KIAA2012: variants seen among roughly 807,000 people sequenced by gnomAD.
The protein encoded by KIAA2012 is KIAA2012, also known as uncharacterized protein KIAA2012.
KIAA2012 carries 125 observed loss-of-function variants against 150.6 expected under a neutral mutation model. That is an observed-to-expected ratio of 0.83 (90% CI 0.72 to 0.96). The LOEUF (loss-of-function observed/expected upper bound fraction) is 0.96, where lower values mean the gene tolerates loss of function less well. Ranked by LOEUF, KIAA2012 falls within the 40% of genes least tolerant of loss-of-function variation. The probability of loss-of-function intolerance (pLI) is 0.00; values close to 1 mark genes in which losing one functional copy is unlikely to be tolerated. For missense variants in KIAA2012, 1,219 were observed against 1,354.9 expected, an observed-to-expected ratio of 0.90 and a Z score of 1.57; for synonymous variants, 462 against 504.7, an observed-to-expected ratio of 0.92 and a Z score of 1.13.
intron 9 of KIAA2012, among the ~76,000 whole-genome samples, chr2:202,106,618 C>T (rs549058112): frequency 6.6e-4 from 100 of 152,040 alleles, no homozygotes; most frequent in African/African-American, 2.3e-3. Flanking sequence ...ACCCAGGAGG[C>T]GGAGGTTGCA....
chr2:202,165,081 C>G (rs1691729490), intron 14 of KIAA2012, among the ~76,000 whole-genome samples: 1 of 152,070 alleles, frequency 6.6e-6, no homozygotes, highest in Non-Finnish European at 1.5e-5. Flanking sequence ...TATTATTATG[C>G]CTAGCCCTGC....
intron 15 of KIAA2012, among the ~76,000 whole-genome samples, chr2:202,180,422 CTG>C (rs1436859371): frequency 1.3e-5 from 2 of 152,176 alleles, no homozygotes; most frequent in African/African-American, 2.4e-5. Flanking sequence ...CTTAAATCGA[CTG>C]TTTTTAAAAT....
chr2:202,179,657 C>T (rs891092451), intron 15 of KIAA2012: 1 of 658,576 alleles, frequency 1.5e-6, no homozygotes, highest in Admixed American at 1.8e-5. Flanking sequence ...CAAGAATATA[C>T]TCAGTCAGGT....
chr2:202,119,291 A>C (rs574084830), intron 11 of KIAA2012, among the ~76,000 whole-genome samples: 1 of 152,314 alleles, frequency 6.6e-6, no homozygotes, highest in South Asian at 2.1e-4. Context: ...AAAAAAGAAT[A>C]ATAGCTTGCT....
chr2:202,198,820 A>T (rs1692461932), intron 22 of KIAA2012, among the ~76,000 whole-genome samples: 1 of 152,170 alleles, frequency 6.6e-6, no homozygotes, highest in African/African-American at 2.4e-5. Flanking sequence ...TAAGATGATA[A>T]ATACTCTTTA....
chr2:202,204,757 AAC>A (rs10553531), intron 23 of KIAA2012, among the ~76,000 whole-genome samples: 116,636 of 151,958 alleles, frequency 0.77, 44,963 homozygotes, highest in East Asian at 0.88. Context: ...ACAGAAATAA[AAC>A]AGTCAAACAC....
At chr2:202,149,889 T>C (rs1026157162) in intron 13 of KIAA2012, among the ~76,000 whole-genome samples, 33 of 152,228 alleles carry the variant, frequency 2.2e-4, no homozygotes, top group African/African-American at 7.7e-4. Context: ...GAAGGATTTC[T>C]CCCTGGGTCT....
chr2:202,184,241 G>A lies in KIAA2012; in HGVS notation c.2120-512G>A, dbSNP rs145657851. Among the ~76,000 whole-genome samples, 554 of 152,000 alleles carry A rather than the reference G, an allele frequency of 3.6e-3. 3 individuals carry two copies. The highest frequency in any genetic ancestry group is 0.013 in the African/African-American group (523 of 41,442). On this transcript the variant is annotated intron_variant, in intron 15 of 23. Transcript: ENST00000498697. ...TCTACTAAAAATACAAAAATTAGTC[G>A]GGTGTGGTGGCACACACCTGCAGTT... is the stretch of plus-strand genomic sequence containing the variant.
At chr2:202,175,147 T>C (rs1691965091) in intron 15 of KIAA2012, among the ~76,000 whole-genome samples, 1 of 152,212 alleles carries the variant, frequency 6.6e-6, no homozygotes, top group South Asian at 2.1e-4. Flanking sequence ...GGGTCACTTG[T>C]CTTGTTGAGT....
At chr2:202,186,364 T>C (rs898274359) in intron 16 of KIAA2012, among the ~76,000 whole-genome samples, 27 of 152,004 alleles carry the variant, frequency 1.8e-4, no homozygotes, top group African/African-American at 5.8e-4. Context: ...ATACAAAAAT[T>C]AGCCGGACGT....
At chr2:202,159,631 G>A (rs1691607736) in intron 14 of KIAA2012, among the ~76,000 whole-genome samples, 1 of 152,118 alleles carries the variant, frequency 6.6e-6, no homozygotes, top group Non-Finnish European at 1.5e-5. Flanking sequence ...CACCACCTCA[G>A]GTAGTTCGAG....
intron 15 of KIAA2012, among the ~76,000 whole-genome samples, chr2:202,166,623 C>T (rs749813984): frequency 2.0e-5 from 3 of 151,468 alleles, no homozygotes; most frequent in Non-Finnish European, 4.4e-5. Context: ...TGCCACTGCA[C>T]TCCAGCCTGG....
rs1035035936 is a variant in KIAA2012 at position 202,196,925 on chromosome 2, G to T, written c.3313G>T (p.Ala1105Ser). 15 of 1,550,578 alleles carry T rather than the reference G, an allele frequency of 9.7e-6. No individual in the cohort carries two copies. Among genetic ancestry groups the T allele is most frequent in the African/African-American group, 1.4e-5 (1 of 73,036 alleles). ...QRRKQEAEEK[A>S]RLEAEERRQK... ...GCGGAAACAGGAAGCAGAAGAGAAG[G>T]CTCGGCTGGAGGCAGAGGAGAGGAG... is the stretch of plus-strand genomic sequence containing the variant. The change falls in exon 22 of 24, where the codon GCT becomes TCT. Residue 1105 changes from alanine to serine, a missense_variant. Ala to Ser is a moderately conservative substitution (Grantham distance 99). Coordinates refer to ENST00000498697, the MANE Select transcript of KIAA2012 (RefSeq NM_001277372.4).
chr2:202,198,478 AT>A (rs1692452719), intron 22 of KIAA2012, among the ~76,000 whole-genome samples: 1 of 152,266 alleles, frequency 6.6e-6, no homozygotes, highest in South Asian at 2.1e-4. Flanking sequence ...CAGATCTAAC[AT>A]GAGGGCCTTG....
chr2:202,195,360 A>C (rs935224747), intron 21 of KIAA2012, among the ~76,000 whole-genome samples: 3 of 151,834 alleles, frequency 2.0e-5, no homozygotes, highest in African/African-American at 7.3e-5. Context: ...TCTACTAAAA[A>C]TACAAAAATT....
intron 13 of KIAA2012, among the ~76,000 whole-genome samples, chr2:202,145,678 C>CTTTTTTTTTTTTTTTTTTTTTT (rs36059685): frequency 6.6e-5 from 5 of 75,312 alleles, no homozygotes; most frequent in Non-Finnish European, 9.5e-5. Context: ...TTGAGAGGGT[C>CTTTTTTTTTTTTTTTTTTTTTT]TTTTTTTTTT....
intron 14 of KIAA2012, among the ~76,000 whole-genome samples, chr2:202,161,122 G>A (rs1691645962): frequency 6.6e-6 from 1 of 152,164 alleles, no homozygotes; most frequent in Non-Finnish European, 1.5e-5. Context: ...CTGAGGCTCA[G>A]GGGTTAAGTA....
chr2:202,190,259 G>A lies in KIAA2012; in HGVS notation c.2577G>A (p.Leu859=), dbSNP rs1333281410. 1.3e-6 allele frequency: 2 copies of A among 1,550,034 alleles called. No individual in the cohort carries two copies. The highest frequency in any genetic ancestry group is 2.0e-5 in the Admixed American group (1 of 50,864). The change falls in exon 19 of 24, where the codon CTG becomes CTA. Residue 859 remains leucine, a synonymous_variant. Coordinates refer to ENST00000498697, the MANE Select transcript of KIAA2012 (RefSeq NM_001277372.4). ...QRKRTQKERN[L]EIAAELSGPD... ...AAAGGACACAGAAGGAAAGAAATCT[G>A]GAGATAGCGGCAGAGCTGAGCGGGC...
chr2:202,125,986 C>T (rs1690775875), intron 12 of KIAA2012: 1 of 305,950 alleles, frequency 3.3e-6, no homozygotes, highest in East Asian at 1.1e-4. Context: ...TGGAGTTTCG[C>T]TCTTGTCGCC....
Sources: gnomAD v4.1 joint callset for allele counts (sites outside exome capture counted in the v4.1 genomes callset) on GRCh38, gnomAD v4.1.1 for gene constraint, MANE v1.5 for transcripts, NCBI Gene and HGNC (gene_info 2026-07-23, HGNC 2026-07-21) for gene names.